The following FRMD3 variants were observed in gnomAD, a reference collection of about 807,000 sequenced individuals.
FRMD3 encodes the protein FERM domain-containing protein 3.
Under a neutral mutation model 70.2 loss-of-function variants are expected in FRMD3, and 33 were observed. The ratio of observed to expected loss-of-function variants is 0.47; its 90% confidence interval spans 0.36 to 0.63. The LOEUF (loss-of-function observed/expected upper bound fraction) is 0.63. Ranked by LOEUF, FRMD3 falls within the 20% of genes least tolerant of loss-of-function variation. The probability of loss-of-function intolerance (pLI) is 0.00; values close to 1 mark genes in which losing one functional copy is unlikely to be tolerated. For synonymous variants in FRMD3, 279 were observed against 255.9 expected (o/e 1.09, Z -0.86); for missense variants, 632 against 711.4 (o/e 0.89, Z 1.27).
intron 1 of FRMD3, among the ~76,000 whole-genome samples, chr9:83,415,479 G>A (rs548285950): frequency 8.1e-4 from 110 of 135,318 alleles, no homozygotes; most frequent in African/African-American, 2.8e-3. Flanking sequence ...GTCTCACTCT[G>A]TCACCCAGGC....
At chr9:83,389,437 C>T (rs1251647018) in intron 2 of FRMD3, among the ~76,000 whole-genome samples, 167 bp downstream of exon 2, 1 of 152,150 alleles carries the variant, frequency 6.6e-6, no homozygotes, top group Admixed American at 6.5e-5. Flanking sequence ...TCTTGCTCCA[C>T]CCAGTCCAGT....
intron 2 of FRMD3, among the ~76,000 whole-genome samples, chr9:83,382,495 G>T (rs1386679512): frequency 6.6e-6 from 1 of 152,178 alleles, no homozygotes; most frequent in African/African-American, 2.4e-5. Context: ...GAGACACAGA[G>T]GGTGTAAGGA....
chr9:83,257,530 A>G (rs1832771140), intron 13 of FRMD3, among the ~76,000 whole-genome samples: 1 of 152,198 alleles, frequency 6.6e-6, no homozygotes, highest in African/African-American at 2.4e-5. Context: ...AGGGGGAAAA[A>G]AAATCTTGAG....
At chr9:83,339,932 G>A (rs558277618) in intron 5 of FRMD3, among the ~76,000 whole-genome samples, 1 of 152,270 alleles carries the variant, frequency 6.6e-6, no homozygotes, top group Admixed American at 6.5e-5. Flanking sequence ...AAATGAATCA[G>A]GCACAGTCAT....
At chr9:83,355,549 C>CT (rs1824308094) in intron 3 of FRMD3, among the ~76,000 whole-genome samples, 1 of 152,150 alleles carries the variant, frequency 6.6e-6, no homozygotes, top group South Asian at 2.1e-4. Flanking sequence ...AGAAAGCCAC[C>CT]TAATTTCTCT....
chr9:83,254,553 T>C (rs1245979237), intron 13 of FRMD3, among the ~76,000 whole-genome samples: 1 of 145,746 alleles, frequency 6.9e-6, no homozygotes, highest in African/African-American at 2.5e-5. Context: ...GTGAAGGAGA[T>C]AGAGGCATAA....
chr9:83,354,511 G>A (rs1465032179), intron 3 of FRMD3, among the ~76,000 whole-genome samples: 2 of 152,176 alleles, frequency 1.3e-5, no homozygotes, highest in African/African-American at 4.8e-5. Context: ...GAAGAAGAAA[G>A]TAAAGGGGGC....
the FRMD3 span, among the ~76,000 whole-genome samples, chr9:83,566,181 C>A: frequency 2.6e-5 from 4 of 151,988 alleles, no homozygotes; most frequent in Admixed American, 6.6e-5. Flanking sequence ...GGTGAAAGGC[C>A]CTTCTTACAT....
At chr9:83,527,927 A>C (rs1227962940) in intron 1 of FRMD3, among the ~76,000 whole-genome samples, 2 of 152,224 alleles carry the variant, frequency 1.3e-5, no homozygotes, top group African/African-American at 4.8e-5. Flanking sequence ...AAAGAGGGCC[A>C]TGTTATCCTC....
chr9:83,264,807 T>TGGGG (rs142550949), intron 13 of FRMD3, among the ~76,000 whole-genome samples: 2 of 137,990 alleles, frequency 1.4e-5, no homozygotes, highest in Non-Finnish European at 3.2e-5. Flanking sequence ...TAACCAATTG[T>TGGGG]GGGGGGAGGG....
chr9:83,416,745 G>GTCTGTCTCTCTCTC (rs1826454857), intron 1 of FRMD3, among the ~76,000 whole-genome samples: 6 of 102,234 alleles, frequency 5.9e-5, no homozygotes, highest in Non-Finnish European at 9.7e-5. Context: ...ATTTCTCTCT[G>GTCTGTCTCTCTCTC]TCTCTCTCTC....
At chr9:83,290,877 T>G in intron 12 of FRMD3, 150 bp from the exon 13 acceptor site, 1 of 766,790 alleles carries the variant, frequency 1.3e-6, no homozygotes, top group South Asian at 1.9e-5. Context: ...TGACGTAACA[T>G]TCAAGATAAA....
At chr9:83,453,223 T>C (rs984022353) in intron 1 of FRMD3, among the ~76,000 whole-genome samples, 6 of 152,214 alleles carry the variant, frequency 3.9e-5, no homozygotes, top group Non-Finnish European at 8.8e-5. Flanking sequence ...TCAAAAGGGC[T>C]GAAACACTCA....
the FRMD3 span, among the ~76,000 whole-genome samples, chr9:83,574,011 G>A: frequency 2.0e-5 from 3 of 152,074 alleles, no homozygotes; most frequent in Admixed American, 6.6e-5. Context: ...ACCCCAATAA[G>A]TATACATTCC....
At chr9:83,286,818 GC>G (rs1361756358) in intron 13 of FRMD3, among the ~76,000 whole-genome samples, 1 of 152,158 alleles carries the variant, frequency 6.6e-6, no homozygotes. Context: ...GCTCTGAGAA[GC>G]AACAGTATTA....
chr9:83,501,464 G>C (rs1241393159), intron 1 of FRMD3, among the ~76,000 whole-genome samples: 1 of 152,126 alleles, frequency 6.6e-6, no homozygotes, highest in African/African-American at 2.4e-5. Flanking sequence ...AACACGGAGT[G>C]TTCTTCCATG....
At chr9:83,270,549 T>A (rs546752035) in intron 13 of FRMD3, among the ~76,000 whole-genome samples, 1 of 152,200 alleles carries the variant, frequency 6.6e-6, no homozygotes, top group African/African-American at 2.4e-5. Flanking sequence ...GTGCCTAACA[T>A]AGAGCTGGCT....
the FRMD3 span, among the ~76,000 whole-genome samples, chr9:83,581,748 T>C: frequency 6.6e-6 from 1 of 152,220 alleles, no homozygotes; most frequent in Non-Finnish European, 1.5e-5. Flanking sequence ...AAATAAAATG[T>C]GGCATATTCA....
At chr9:83,472,825 G>A (rs1015900395) in intron 1 of FRMD3, among the ~76,000 whole-genome samples, 3 of 151,996 alleles carry the variant, frequency 2.0e-5, no homozygotes, top group Non-Finnish European at 2.9e-5. Context: ...TATCTTTTTC[G>A]ATAGTTTTAT....
Sources: allele counts gnomAD v4.1 joint callset (sites outside exome capture counted in the v4.1 genomes callset), GRCh38; gene constraint gnomAD v4.1.1; transcripts MANE v1.5; gene names NCBI Gene and HGNC (gene_info 2026-07-23, HGNC 2026-07-21).